The following CHD7 variants were observed in gnomAD, a reference collection of about 807,000 sequenced individuals.
CHD7 encodes ATP-dependent chromatin remodeler CHD7.
In CHD7, 24 loss-of-function variants were observed where a neutral mutation model predicts 307.3. The ratio of observed to expected loss-of-function variants is 0.08; its 90% CI spans 0.06 to 0.11. The LOEUF is 0.11. Among genes scored for constraint, CHD7 ranks in the 10% least tolerant of loss-of-function variants. CHD7 has a pLI of 1.00. For synonymous variants in CHD7, 1,363 were observed against 1,349.9 expected (o/e 1.01, Z -0.21); for missense variants, 3,106 against 3,727.1 (o/e 0.83, Z 4.34).
chr8:60,707,506 AT>A (rs1807078575), intron 1 of CHD7, among the ~76,000 whole-genome samples: 1 of 152,216 alleles, frequency 6.6e-6, no homozygotes. Flanking sequence ...TTACTAATGG[AT>A]TGGATAAATA....
At chr8:60,772,290 G>T (rs1810748916) in intron 2 of CHD7, among the ~76,000 whole-genome samples, 1 of 152,116 alleles carries the variant, frequency 6.6e-6, no homozygotes, top group Non-Finnish European at 1.5e-5. Context: ...GGATTGTTCA[G>T]TGTTGCAGAC....
chr8:60,802,424 T>G (rs777429709), intron 6 of CHD7, among the ~76,000 whole-genome samples: 2 of 152,196 alleles, frequency 1.3e-5, no homozygotes, highest in Non-Finnish European at 2.9e-5. Flanking sequence ...TAGACATAGG[T>G]GTCTGTGTCG....
rs886063023 is a variant in CHD7, at chr8:60,678,764, CGCGGCGGCGGCG to C, written c.-478_-467del. On this transcript the variant is annotated 5_prime_UTR_variant, in exon 1 of 38. Transcript: ENST00000423902. Reference sequence around the variant, plus strand: ...CGCGCAGGCGCTGGCGTGCTGGGGCCGCGGCGGCGGCGGCGGCGGCGGCGGCAGCGGCGGCGG... The same window carrying C: ...CGCGCAGGCGCTGGCGTGCTGGGGCCGCGGCGGCGGCGGCAGCGGCGGCGG... 39 of 138,192 alleles carry C rather than the reference CGCGGCGGCGGCG, an allele frequency of 2.8e-4. No homozygotes were observed. Among genetic ancestry groups the C allele is most frequent in the Non-Finnish European group, 4.7e-4 (30 of 63,242 alleles). 8.6% of individuals were successfully genotyped at this position (138,192 alleles called of 1,614,324 possible).
chr8:60,796,731 C>G (rs1812056013), intron 4 of CHD7, among the ~76,000 whole-genome samples: 1 of 151,918 alleles, frequency 6.6e-6, no homozygotes, highest in Admixed American at 6.6e-5. Flanking sequence ...TGTTCAATAG[C>G]TAATATAAGC....
chr8:60,862,623 C>T lies in CHD7; in HGVS notation c.8047C>T (p.Pro2683Ser), dbSNP rs201319489. 324 of 1,569,080 alleles carry T rather than the reference C, an allele frequency of 2.1e-4. 2 individuals are homozygous for T. The Admixed American group carries it at 5.8e-3, about 28-fold the overall frequency. The stretch of plus-strand genomic sequence containing the variant: ...AGAAAATCCTGAATTTGCAGTTGCT[C>T]CAGACTGGACTGATATAGTTAAGCA... Reference protein sequence around the residue: ...LEENPEFAVAPDWTDIVKQSG... With the variant: ...LEENPEFAVASDWTDIVKQSG... Residue 2683 changes from proline to serine, a missense_variant, in exon 37 of 38, where the codon CCA (proline) becomes TCA (serine). Physicochemically the swap from Pro to Ser is moderately conservative, Grantham distance 74. This residue lies in a region of CHD7 where 59 missense variants were observed against 106.2 expected (regional missense o/e 0.56). Coordinates refer to ENST00000423902, the MANE Select transcript of CHD7 (RefSeq NM_017780.4).
At chr8:60,850,285 T>C (rs545782588) in intron 25 of CHD7, among the ~76,000 whole-genome samples, 4 of 152,332 alleles carry the variant, frequency 2.6e-5, no homozygotes, top group African/African-American at 4.8e-5. Flanking sequence ...TCTGATAATA[T>C]CCCTGAAGTG....
At chr8:60,710,581 A>G (rs921653033) in intron 1 of CHD7, among the ~76,000 whole-genome samples, 1 of 152,220 alleles carries the variant, frequency 6.6e-6, no homozygotes, top group African/African-American at 2.4e-5. Flanking sequence ...CTGCCCCTTG[A>G]CATTGTTTTC....
intron 21 of CHD7, among the ~76,000 whole-genome samples, chr8:60,843,939 A>G (rs1563650973): frequency 6.6e-6 from 1 of 152,208 alleles, no homozygotes. Flanking sequence ...GGGAGTGACA[A>G]GAGACCAAGT....
At chr8:60,796,732 T>C (rs561501187) in intron 4 of CHD7, among the ~76,000 whole-genome samples, 3 of 152,312 alleles carry the variant, frequency 2.0e-5, no homozygotes, top group Non-Finnish European at 4.4e-5. Context: ...GTTCAATAGC[T>C]AATATAAGCA....
intron 1 of CHD7, among the ~76,000 whole-genome samples, chr8:60,712,516 C>T (rs1807330918): frequency 6.6e-6 from 1 of 152,164 alleles, no homozygotes; most frequent in Admixed American, 6.5e-5. Context: ...CTCAGGCCTG[C>T]CTTGTTTATT....
At position 60,781,383 on chromosome 8, in the gene CHD7, G is replaced by GAAAGCA. The variant is rs377139749; in HGVS notation, c.2053_2058dup (p.Ala685_Lys686dup). ...AGATTCCCAAAGAGCCAAAGGAAAA[G>GAAAGCA]AAAGCAAAAACTGCCACGCCAAAAC... is the stretch of plus-strand genomic sequence containing the variant. On this transcript the variant is annotated inframe_insertion, in exon 3 of 38. Coordinates refer to ENST00000423902, the MANE Select transcript of CHD7 (RefSeq NM_017780.4). 9.9e-3 allele frequency: 15,224 copies of GAAAGCA among 1,539,622 alleles called. 75 individuals carry two copies. The highest frequency in any genetic ancestry group is 0.012 in the Non-Finnish European group (13,667 of 1,152,196).
At chr8:60,830,653 G>C in intron 15 of CHD7, 76 bp downstream of exon 15, 1 of 1,517,790 alleles carries the variant, frequency 6.6e-7, no homozygotes, top group South Asian at 1.2e-5. Flanking sequence ...CCCAGACTGG[G>C]GATTTCATGG....
intron 2 of CHD7, among the ~76,000 whole-genome samples, chr8:60,765,917 A>G (rs1297087174): frequency 1.3e-5 from 2 of 152,246 alleles, no homozygotes; most frequent in Non-Finnish European, 1.5e-5. Context: ...AAGGGAGAAC[A>G]TAGAGGAACC....
chr8:60,700,450 A>G (rs1586180911), intron 1 of CHD7, among the ~76,000 whole-genome samples: 1 of 152,210 alleles, frequency 6.6e-6, no homozygotes, highest in Admixed American at 6.5e-5. Context: ...AGTCCAAACT[A>G]GAAGATAAAG....
intron 21 of CHD7, among the ~76,000 whole-genome samples, chr8:60,843,418 A>C (rs1805061117): frequency 6.6e-6 from 1 of 152,240 alleles, no homozygotes; most frequent in African/African-American, 2.4e-5. Flanking sequence ...AATAACTCCT[A>C]CAGCTAAGAA....
Position 60,844,872 on chromosome 8 carries a change from G to A in CHD7, c.4859G>A (p.Arg1620Gln), listed in dbSNP as rs768497646. 3.1e-5 allele frequency: 49 copies of A among 1,594,536 alleles called. No individual in the cohort carries two copies. Among genetic ancestry groups the A allele is most frequent in the Non-Finnish European group, 2.8e-5 (33 of 1,167,704 alleles). The part of the protein sequence containing the change: ...EKNLLVYGWG[R>Q]WTDILSHGRY... ...GGATATTTGCTTTGCAGTTGGGGAC[G>A]GTGGACAGACATTCTTTCCCACGGA... Residue 1620 changes from arginine (R) to glutamine (Q), a missense_variant, in exon 22 of 38, where the codon CGG (arginine) becomes CAG (glutamine). By Grantham distance (43) the Arg-to-Gln change is conservative. Transcript: ENST00000423902.
intron 1 of CHD7, among the ~76,000 whole-genome samples, chr8:60,715,639 A>G (rs536036068): frequency 5.9e-5 from 9 of 151,836 alleles, no homozygotes; most frequent in Non-Finnish European, 8.8e-5. Flanking sequence ...TTTGGCTTCC[A>G]CTTGGCCAAA....
intron 25 of CHD7, among the ~76,000 whole-genome samples, chr8:60,849,704 G>A (rs541213163): frequency 5.9e-5 from 9 of 152,302 alleles, no homozygotes; most frequent in South Asian, 2.1e-4. Context: ...TCTGGAGGTC[G>A]CGGAGGTATT....
chr8:60,766,823 A>G (rs10957158), intron 2 of CHD7, among the ~76,000 whole-genome samples: 118,033 of 151,734 alleles, frequency 0.78, 46,181 homozygotes, highest in East Asian at 0.94. Context: ...TATACAGCTG[A>G]ATAGAGAAGT....
Sources: allele counts gnomAD v4.1 joint callset (sites outside exome capture counted in the v4.1 genomes callset), GRCh38; gene constraint gnomAD v4.1.1; regional missense constraint gnomAD v4.1.1; transcripts MANE v1.5; gene names NCBI Gene and HGNC (gene_info 2026-07-23, HGNC 2026-07-21).